Variants in NOSTRIN observed in about 807,000 individuals in gnomAD.
NOSTRIN encodes nitric oxide synthase trafficking.
A neutral mutation model predicts 59.0 loss-of-function variants in NOSTRIN; 63 were observed. The observed-to-expected ratio is 1.07, with a 90% confidence interval of 0.87 to 1.32. The LOEUF (loss-of-function observed/expected upper bound fraction) is 1.32. Ranked by LOEUF, NOSTRIN falls within the 40% of genes most tolerant of loss-of-function variation. The probability of loss-of-function intolerance (pLI) is 0.00; values close to 1 mark genes in which losing one functional copy is unlikely to be tolerated. For synonymous variants in NOSTRIN, 200 were observed against 165.4 expected, an observed-to-expected ratio of 1.21 and a Z score of -1.61; for missense variants, 512 against 473.1, an observed-to-expected ratio of 1.08 and a Z score of -0.76.
At chr2:168,830,050 G>A (rs932670307) in intron 5 of NOSTRIN, among the ~76,000 whole-genome samples, 3 of 152,082 alleles carry the variant, frequency 2.0e-5, no homozygotes, top group African/African-American at 4.8e-5. Context: ...TCAGAGTTTC[G>A]GGTGATGGAC....
In NOSTRIN at chr2:168,860,842, G is replaced by T. The variant is rs2105792277; in HGVS notation, c.1227G>T (p.Lys409Asn). The change falls in exon 14 of 16, where the codon AAG (lysine) becomes AAT (asparagine). Residue 409 changes from lysine (K) to asparagine (N), a missense_variant. Lys to Asn is a moderately conservative substitution (Grantham distance 94). Coordinates refer to ENST00000317647, the MANE Select transcript of NOSTRIN (RefSeq NM_001039724.4). ...YVKISRPFLMKRLENIVSKAS... is the reference protein window; with the variant it reads ...YVKISRPFLMNRLENIVSKAS... ...AAATATCTCGGCCTTTTTTAATGAA[G>T]AGATTAGAGAATATTGTGAGCAAGG... The T allele has an allele frequency of 6.2e-7, 1 of 1,613,874 alleles. No homozygotes were observed. The highest frequency in any genetic ancestry group is 8.5e-7 in the Non-Finnish European group (1 of 1,179,878).
chr2:168,787,957 C>T (rs1685248077), exon 2 of NOSTRIN: 2 of 152,002 alleles, frequency 1.3e-5, no homozygotes, highest in South Asian at 4.2e-4. Context: ...ATCTGTTCTG[C>T]ACTGCCTGCC....
At chr2:168,794,704 C>T (rs1231141547), upstream of NOSTRIN, among the ~76,000 whole-genome samples, 2 of 152,156 alleles carry the variant, frequency 1.3e-5, no homozygotes, top group African/African-American at 4.8e-5. Context: ...AACCTAAGTT[C>T]GAGTGGACAG....
At chr2:168,816,369 C>T (rs7583629) in intron 2 of NOSTRIN, among the ~76,000 whole-genome samples, 30,977 of 152,028 alleles carry the variant, frequency 0.2, 3,537 homozygotes, top group Admixed American at 0.28. Context: ...ATAAAAGGGC[C>T]TTCGAGAGCT....
Position 168,847,333 on chromosome 2 carries a change from G to A in NOSTRIN, c.631-3751G>A, listed in dbSNP as rs1046365539. On this transcript the variant is annotated intron_variant, in intron 8 of 15. Transcript: ENST00000317647. The stretch of plus-strand genomic sequence containing the variant: ...AATGTATTTTTTGTGGGCCTCTGTG[G>A]CCCTAGGACAATGTCTCAAAGCGCC... Among the ~76,000 whole-genome samples the A allele has an allele frequency of 2.6e-5, 4 of 152,208 alleles. No homozygotes were observed. The East Asian group carries it at 7.7e-4, about 29-fold the overall frequency.
At chr2:168,795,985 G>A (rs951396732), upstream of NOSTRIN, among the ~76,000 whole-genome samples, 4 of 152,206 alleles carry the variant, frequency 2.6e-5, no homozygotes, top group African/African-American at 7.2e-5. Flanking sequence ...TGTGCATTAA[G>A]GCAAGGCTTC....
intron 10 of NOSTRIN, 72 bp downstream of exon 10, chr2:168,851,476 A>T (rs1688767846): frequency 1.3e-6 from 2 of 1,521,280 alleles, no homozygotes; most frequent in East Asian, 4.6e-5. Flanking sequence ...ACATTGAAAA[A>T]ATTGAAAGCA....
intron 15 of NOSTRIN, chr2:168,863,772 C>T: frequency 2.1e-6 from 1 of 486,838 alleles, no homozygotes; most frequent in Non-Finnish European, 2.7e-6. Context: ...TAGCAGCCAA[C>T]ACGCCAAACA....
chr2:168,830,653 T>C (rs375265162), intron 5 of NOSTRIN, among the ~76,000 whole-genome samples: 9 of 152,358 alleles, frequency 5.9e-5, no homozygotes, highest in Admixed American at 3.3e-4. Flanking sequence ...TTCATCATTA[T>C]TATTACTGTC....
chr2:168,843,814 A>G (rs1217302634), intron 8 of NOSTRIN, among the ~76,000 whole-genome samples: 1 of 152,242 alleles, frequency 6.6e-6, no homozygotes, highest in African/African-American at 2.4e-5. Flanking sequence ...ATAAGCATGT[A>G]CTTACTGCAG....
intron 8 of NOSTRIN, among the ~76,000 whole-genome samples, chr2:168,844,413 C>T (rs1373037797): frequency 1.3e-5 from 2 of 151,866 alleles, no homozygotes; most frequent in African/African-American, 4.8e-5. Context: ...ATGTTTAAAG[C>T]AGATACAATT....
At chr2:168,819,724 G>T (rs1007939984) in intron 2 of NOSTRIN, among the ~76,000 whole-genome samples, 1 of 152,172 alleles carries the variant, frequency 6.6e-6, no homozygotes, top group Non-Finnish European at 1.5e-5. Context: ...TGCTTTGCTT[G>T]GTTGATTTGA....
intron 7 of NOSTRIN, among the ~76,000 whole-genome samples, chr2:168,836,371 C>T (rs1687722449): frequency 6.6e-6 from 1 of 152,194 alleles, no homozygotes; most frequent in Non-Finnish European, 1.5e-5. Flanking sequence ...AAGTAAAGAT[C>T]CACAGTGCTC....
chr2:168,848,764 G>A (rs926014620), intron 8 of NOSTRIN, among the ~76,000 whole-genome samples: 2 of 152,168 alleles, frequency 1.3e-5, no homozygotes, highest in African/African-American at 4.8e-5. Flanking sequence ...AAGTAGAATG[G>A]TGGTTGCCAG....
chr2:168,844,393 T>TAAA (rs10636938), intron 8 of NOSTRIN, among the ~76,000 whole-genome samples: 40 of 151,206 alleles, frequency 2.6e-4, no homozygotes, highest in African/African-American at 6.3e-4. Context: ...GTTTTAAGTT[T>TAAA]AAAAAAAAAA....
chr2:168,840,901 T>C (rs1688056936), intron 7 of NOSTRIN, among the ~76,000 whole-genome samples: 1 of 152,154 alleles, frequency 6.6e-6, no homozygotes, highest in Admixed American at 6.6e-5. Flanking sequence ...TTGCTACTTG[T>C]AGAATTCTGG....
intron 1 of NOSTRIN, among the ~76,000 whole-genome samples, chr2:168,808,372 C>G (rs1685970293): frequency 6.6e-6 from 1 of 152,200 alleles, no homozygotes; most frequent in South Asian, 2.1e-4. Context: ...TCCTGCTTCC[C>G]CTAATGGGAG....
intron 8 of NOSTRIN, among the ~76,000 whole-genome samples, chr2:168,849,380 G>C (rs1688612853): frequency 6.6e-6 from 1 of 151,326 alleles, no homozygotes; most frequent in African/African-American, 2.4e-5. Context: ...TTTTGAGATG[G>C]AATCTCACTC....
At chr2:168,812,025 C>G (rs986204197) in intron 2 of NOSTRIN, 1 of 159,436 alleles carries the variant, frequency 6.3e-6, no homozygotes, top group Admixed American at 6.5e-5. Context: ...GGCAGTCTTA[C>G]TCATCATTGT....
Sources: allele counts gnomAD v4.1 joint callset (sites outside exome capture counted in the v4.1 genomes callset), GRCh38; gene constraint gnomAD v4.1.1; transcripts MANE v1.5; gene names NCBI Gene and HGNC (gene_info 2026-07-23, HGNC 2026-07-21).